ZNF763: variants seen among roughly 807,000 people sequenced by gnomAD.
ZNF763 encodes the protein zinc finger protein 763.
ZNF763 carries 33 observed loss-of-function variants against 38.0 expected under a neutral mutation model. That is an observed-to-expected ratio of 0.87 (90% confidence interval 0.66 to 1.16). ZNF763 has a LOEUF of 1.16. Among genes scored for constraint, ZNF763 ranks in the 50% most tolerant of loss-of-function variants. The probability of loss-of-function intolerance (pLI) is 0.00; values close to 1 mark genes in which losing one functional copy is unlikely to be tolerated. For missense variants in ZNF763, 423 were observed against 469.1 expected, an observed-to-expected ratio of 0.90 and a Z score of 0.91; for synonymous variants, 155 against 160.1, an observed-to-expected ratio of 0.97 and a Z score of 0.24.
Position 11,965,104 on chromosome 19 carries a change from A to T in ZNF763, c.-105A>T, listed in dbSNP as rs1973196096. On this transcript the variant is annotated 5_prime_UTR_variant, in exon 1 of 4. Transcript: ENST00000358987. ...TCCGCTGTATCCATCCCCGAGAGGG[A>T]CCTGGTACCTCTACCCAGGTTTCTA... 16 of 1,504,492 alleles carry T rather than the reference A, an allele frequency of 1.1e-5. No homozygotes were observed. The highest frequency in any genetic ancestry group is 1.3e-5 in the Non-Finnish European group (14 of 1,083,710). 93.2% of individuals were successfully genotyped at this position (1,504,492 alleles called of 1,614,324 possible).
intron 1 of ZNF763, among the ~76,000 whole-genome samples, chr19:11,967,466 G>A (rs952751009): frequency 4.6e-5 from 7 of 151,926 alleles, no homozygotes; most frequent in African/African-American, 1.2e-4. Context: ...GTGCAGTGGC[G>A]CGATCTCGGC....
At position 11,978,207 on chromosome 19, in the gene ZNF763, C is replaced by T. The variant is rs1212335030; in HGVS notation, c.283C>T (p.Gln95Ter). Residue 95 changes from glutamine to a stop codon, truncating the protein, a stop_gained, in exon 4 of 4, where the codon CAG (glutamine) becomes TAG (stop). Coordinates refer to ENST00000358987, the MANE Select transcript of ZNF763 (RefSeq NM_001367172.2). LOFTEE classifies it high-confidence loss of function. ...GGTTCCAGATGACAGGCTGAACTTC[C>T]AGGAGAAGAAAGCTTCTCCTGAAGC... is the stretch of plus-strand genomic sequence containing the variant. ...TQVPDDRLNF[Q>*]EKKASPEAKS... 2 of 1,613,720 alleles carry T rather than the reference C, an allele frequency of 1.2e-6. No homozygotes were observed. The highest frequency in any genetic ancestry group is 1.3e-5 in the African/African-American group (1 of 75,018).
chr19:11,974,069 T>TTTCTTTC (rs1973407496), intron 1 of ZNF763, among the ~76,000 whole-genome samples: 1 of 114,776 alleles, frequency 8.7e-6, no homozygotes, highest in African/African-American at 3.2e-5. Flanking sequence ...TCCTTCTTTC[T>TTTCTTTC]TTTCTTTCTT....
intron 1 of ZNF763, among the ~76,000 whole-genome samples, chr19:11,974,126 T>TTTCTTTCTTTCCTTTC (rs1177618111): frequency 1.8e-5 from 1 of 55,028 alleles, no homozygotes; most frequent in South Asian, 7.2e-4. Flanking sequence ...TCTTTCTTTC[T>TTTCTTTCTTTCCTTTC]TTTCTTTCTT....
At chr19:11,975,709 A>G (rs770113901) in intron 1 of ZNF763, among the ~76,000 whole-genome samples, 54 of 152,310 alleles carry the variant, frequency 3.5e-4, no homozygotes, top group Non-Finnish European at 7.4e-4. Flanking sequence ...CTAAGACTAA[A>G]TAATATCCCA....
At chr19:11,976,795 C>T (rs1599320172) in intron 1 of ZNF763, 4 of 1,148,620 alleles carry the variant, frequency 3.5e-6, no homozygotes, top group East Asian at 3.7e-5. Flanking sequence ...GAACCCCGGT[C>T]ATGAGCCAAG....
chr19:11,965,280 G>T (rs1304534853), intron 1 of ZNF763, 69 bp downstream of exon 1: 2 of 1,606,482 alleles, frequency 1.2e-6, no homozygotes, highest in African/African-American at 1.3e-5. Context: ...AACCGGCTGC[G>T]GCGGGACCCG....
chr19:11,968,883 G>A (rs279282), intron 1 of ZNF763, among the ~76,000 whole-genome samples: 27,745 of 151,988 alleles, frequency 0.18, 5,490 homozygotes, highest in African/African-American at 0.5. Context: ...AATTTAAAAA[G>A]ACAGTGACAA....
intron 1 of ZNF763, among the ~76,000 whole-genome samples, chr19:11,969,798 A>G (rs1973312348): frequency 6.6e-6 from 1 of 152,164 alleles, no homozygotes; most frequent in Admixed American, 6.5e-5. Context: ...TGCCTGAAAA[A>G]TCCTTTCTGC....
intron 1 of ZNF763, among the ~76,000 whole-genome samples, chr19:11,967,826 G>C (rs918818066): frequency 1.3e-5 from 2 of 152,236 alleles, no homozygotes; most frequent in African/African-American, 4.8e-5. Flanking sequence ...TAGGGGTCTT[G>C]TCTATGTAAA....
Position 11,978,383 on chromosome 19 carries a change from C to T in ZNF763, c.459C>T (p.Phe153=). 1 of 1,614,216 alleles carries T rather than the reference C, an allele frequency of 6.2e-7. No homozygotes were observed. Among genetic ancestry groups the T allele is most frequent in the African/African-American group, 1.3e-5 (1 of 75,050 alleles). Residue 153 remains phenylalanine, a synonymous_variant, in exon 4 of 4, where the codon TTC becomes TTT. Coordinates refer to ENST00000358987, the MANE Select transcript of ZNF763 (RefSeq NM_001367172.2). ...PYKCQQPKKA[F]RYHPSFRTQE... is the part of the protein sequence containing the mutation. ...AGTGTCAACAACCTAAGAAAGCCTT[C>T]AGATATCACCCCTCCTTTAGAACAC... is the stretch of plus-strand genomic sequence containing the variant.
chr19:11,975,192 G>A (rs1375449674), intron 1 of ZNF763, among the ~76,000 whole-genome samples: 1 of 151,446 alleles, frequency 6.6e-6, no homozygotes, highest in Non-Finnish European at 1.5e-5. Context: ...TCCGCCTCCC[G>A]GGTTCAAGCG....
intron 1 of ZNF763, among the ~76,000 whole-genome samples, 189 bp downstream of exon 1, chr19:11,965,400 G>T (rs1047817819): frequency 1.3e-5 from 2 of 152,230 alleles, no homozygotes; most frequent in Non-Finnish European, 2.9e-5. Flanking sequence ...GGGACCCCGG[G>T]TGTCCTGTCC....
At chr19:11,976,555 C>CA (rs1197877281) in intron 1 of ZNF763, among the ~76,000 whole-genome samples, 17,956 of 73,182 alleles carry the variant, frequency 0.25, 2,353 homozygotes, top group Non-Finnish European at 0.35. Flanking sequence ...GACTCTGTCT[C>CA]AAAAAAAAAA....
intron 1 of ZNF763, among the ~76,000 whole-genome samples, chr19:11,966,452 C>A (rs979930390): frequency 3.9e-5 from 6 of 152,196 alleles, no homozygotes; most frequent in Non-Finnish European, 5.9e-5. Context: ...CGGCTCACAG[C>A]AGCCTTTGCC....
Position 11,978,933 on chromosome 19 carries a change from G to C in ZNF763, c.1009G>C (p.Glu337Gln). The C allele has an allele frequency of 6.2e-7, 1 of 1,614,204 alleles. No individual in the cohort carries two copies. The highest frequency in any genetic ancestry group is 8.5e-7 in the Non-Finnish European group (1 of 1,180,042). Residue 337 changes from glutamate to glutamine, a missense_variant, in exon 4 of 4, where the codon GAG becomes CAG. Transcript: ENST00000358987. ...TAGACATAAAAGGAGTCACACGGGA[G>C]AGAAGCCTTATCAATGTAAGGAATG... ...YLRHKRSHTG[E>Q]KPYQCKECRK...
chr19:11,974,130 C>CTTT (rs1208179501), intron 1 of ZNF763, among the ~76,000 whole-genome samples: 1 of 82,206 alleles, frequency 1.2e-5, no homozygotes, highest in Non-Finnish European at 2.4e-5. Context: ...TCTTTCTTTT[C>CTTT]TTTCTTTCTT....
At chr19:11,974,070 TTTCTTTCTTTC>T (rs1300035145) in intron 1 of ZNF763, among the ~76,000 whole-genome samples, 2 of 58,776 alleles carry the variant, frequency 3.4e-5, no homozygotes, top group Non-Finnish European at 7.3e-5. Flanking sequence ...CCTTCTTTCT[TTTCTTTCTTTC>T]TTTCTTTCTT....
rs745407136 is a variant in ZNF763 at position 11,976,983 on chromosome 19, G to A, written c.4-55G>A. 3.1e-6 allele frequency: 5 copies of A among 1,609,722 alleles called. No individual in the cohort carries two copies. The East Asian group carries it at 1.1e-4, about 36-fold the overall frequency. On this transcript the variant is annotated intron_variant, in intron 1 of 3. Transcript: ENST00000358987. ...GCAACTTCTTGGGAATAGAGTCTAG[G>A]CCCCCACTGCTGTCACTCTCACCCA...
Sources: gnomAD v4.1 joint callset for allele counts (sites outside exome capture counted in the v4.1 genomes callset) on GRCh38, gnomAD v4.1.1 for gene constraint, MANE v1.5 for transcripts, NCBI Gene and HGNC (gene_info 2026-07-23, HGNC 2026-07-21) for gene names.